Variants in RCL1 observed in about 807,000 individuals in gnomAD.
RCL1 encodes the protein RNA 3'-terminal phosphate cyclase-like protein.
Under a neutral mutation model 42.4 loss-of-function variants are expected in RCL1, and 24 were observed. That is an observed-to-expected ratio of 0.57 (90% CI 0.41 to 0.80). The LOEUF (loss-of-function observed/expected upper bound fraction) is 0.80, where lower values mean the gene tolerates loss of function less well. Ranked by LOEUF, RCL1 falls within the 30% of genes least tolerant of loss-of-function variation. The pLI is 0.00. For missense variants in RCL1, 578 were observed against 467.9 expected (o/e 1.24, Z -2.17); for synonymous variants, 228 against 177.3 (o/e 1.29, Z -2.27).
intron 3 of RCL1, among the ~76,000 whole-genome samples, chr9:4,830,989 C>G (rs1816924786): frequency 6.6e-6 from 1 of 152,122 alleles, no homozygotes; most frequent in Non-Finnish European, 1.5e-5. Context: ...CTAGAATGTG[C>G]AAAGCTGCAG....
intron 3 of RCL1, among the ~76,000 whole-genome samples, chr9:4,831,462 A>G (rs1189402618): frequency 6.6e-6 from 1 of 152,076 alleles, no homozygotes; most frequent in South Asian, 2.1e-4. Flanking sequence ...GCATATATTA[A>G]GTTTTTGAGT....
At chr9:4,822,058 C>CT in intron 1 of RCL1, among the ~76,000 whole-genome samples, 1 of 152,318 alleles carries the variant, frequency 6.6e-6, no homozygotes, top group East Asian at 1.9e-4. Flanking sequence ...CACACAGCAG[C>CT]TTTATTAACC....
In RCL1 at chr9:4,826,130, C is replaced by A. The variant is rs571464030; in HGVS notation, c.209-728C>A. Among the ~76,000 whole-genome samples the A allele has an allele frequency of 2.0e-5, 3 of 152,012 alleles. No homozygotes were observed. In the South Asian group the frequency reaches 6.3e-4, roughly 32 times the overall value. On this transcript the variant is annotated intron_variant, in intron 2 of 8. Coordinates refer to ENST00000381750, the MANE Select transcript of RCL1 (RefSeq NM_005772.5). ...AAAAAAAAAATTAGCTGGTCGTGGT[C>A]CCAGCTATTCTGGAGGCTGAGATGG...
At chr9:4,832,805 CAAAAAAAAAAA>C (rs34915834) in intron 3 of RCL1, among the ~76,000 whole-genome samples, 13 of 39,318 alleles carry the variant, frequency 3.3e-4, no homozygotes, top group Admixed American at 7.8e-4. Context: ...AGATTCCACT[CAAAAAAAAAAA>C]AAAAAAAAAA....
At chr9:4,851,898 T>TTTTTTTTTG in intron 8 of RCL1, among the ~76,000 whole-genome samples, 1 of 150,630 alleles carries the variant, frequency 6.6e-6, no homozygotes, top group African/African-American at 2.4e-5. Flanking sequence ...TTTTTTTTTT[T>TTTTTTTTTG]GAGACAGAGT....
chr9:4,812,016 C>G (rs1371009285), intron 1 of RCL1, among the ~76,000 whole-genome samples: 2 of 152,074 alleles, frequency 1.3e-5, no homozygotes, highest in Non-Finnish European at 2.9e-5. Flanking sequence ...GTCTATTCAG[C>G]TTTTTTGCTG....
In RCL1 at chr9:4,841,873, C is replaced by A. The variant is rs946985846; in HGVS notation, c.710+516C>A. Among the ~76,000 whole-genome samples, 24 of 152,102 alleles carry A rather than the reference C, an allele frequency of 1.6e-4. 1 individual carries two copies. Among genetic ancestry groups the A allele is most frequent in the Non-Finnish European group, 1.0e-4 (7 of 68,016 alleles). On this transcript the variant is annotated intron_variant, in intron 6 of 8. Coordinates refer to ENST00000381750, the MANE Select transcript of RCL1 (RefSeq NM_005772.5). The stretch of plus-strand genomic sequence containing the variant: ...AAATTTTAAAAATTAGAAAAAAATT[C>A]TAAGTAAGGAAAATAAGTTCTTAAA...
At chr9:4,857,032 G>C (rs1817984668) in intron 8 of RCL1, among the ~76,000 whole-genome samples, 2 of 152,214 alleles carry the variant, frequency 1.3e-5, no homozygotes, top group African/African-American at 2.4e-5. Context: ...GTGAGAACCA[G>C]GATCAGTTGT....
At chr9:4,801,328 T>A (rs1222626383) in intron 1 of RCL1, among the ~76,000 whole-genome samples, 1 of 152,142 alleles carries the variant, frequency 6.6e-6, no homozygotes, top group Admixed American at 6.5e-5. Context: ...CATACCATCA[T>A]GCCCGGCTAA....
intron 2 of RCL1, among the ~76,000 whole-genome samples, chr9:4,826,481 G>A (rs933565973): frequency 6.6e-6 from 1 of 152,154 alleles, no homozygotes; most frequent in African/African-American, 2.4e-5. Context: ...GCTGGTTGCT[G>A]GTGTGATGAT....
intron 6 of RCL1, 120 bp from the exon 7 acceptor site, chr9:4,844,405 G>T: frequency 1.4e-6 from 1 of 722,492 alleles, no homozygotes. Flanking sequence ...AATGCAGCCA[G>T]AAAGAAGCCT....
chr9:4,845,217 T>A (rs959095978), intron 7 of RCL1, among the ~76,000 whole-genome samples: 1 of 151,956 alleles, frequency 6.6e-6, no homozygotes, highest in Non-Finnish European at 1.5e-5. Context: ...AAGAAAAAAA[T>A]TTAAAAAAGC....
At chr9:4,801,540 TTAA>T (rs1162060139) in intron 1 of RCL1, among the ~76,000 whole-genome samples, 1 of 152,226 alleles carries the variant, frequency 6.6e-6, no homozygotes, top group African/African-American at 2.4e-5. Flanking sequence ...TTGTAGTTTG[TTAA>T]TATTTTCTCC....
At chr9:4,794,687 G>A (rs927577047) in intron 1 of RCL1, among the ~76,000 whole-genome samples, 1 of 151,798 alleles carries the variant, frequency 6.6e-6, no homozygotes, top group African/African-American at 2.4e-5. Context: ...TGGAAACCTG[G>A]GTTCTCTAAA....
chr9:4,798,723 CT>C (rs1441711608), intron 1 of RCL1, among the ~76,000 whole-genome samples: 1 of 152,128 alleles, frequency 6.6e-6, no homozygotes, highest in Non-Finnish European at 1.5e-5. Context: ...ACCCAGAATT[CT>C]TGATGGACAA....
chr9:4,830,798 C>G lies in RCL1; in HGVS notation c.385-2356C>G, dbSNP rs1316905611. Among the ~76,000 whole-genome samples, 3 of 151,988 alleles carry G rather than the reference C, an allele frequency of 2.0e-5. No individual in the cohort carries two copies. The East Asian group carries it at 5.8e-4, about 29-fold the overall frequency. ...GAGCAGGTTTCTTCCTCTCTTTTTT[C>G]TTTTTTTAGCATAGATTGATTACAT... On this transcript the variant is annotated intron_variant, in intron 3 of 8. Transcript: ENST00000381750.
chr9:4,811,448 A>G (rs185557874), intron 1 of RCL1, among the ~76,000 whole-genome samples: 44 of 152,164 alleles, frequency 2.9e-4, no homozygotes, highest in Middle Eastern at 3.4e-3. Flanking sequence ...CCCCGCCTCT[A>G]GTAACCACTA....
At chr9:4,844,373 C>A in intron 6 of RCL1, 152 bp from the exon 7 acceptor site, 1 of 535,962 alleles carries the variant, frequency 1.9e-6, no homozygotes, top group Non-Finnish European at 3.3e-6. Context: ...AGCTAGTAAA[C>A]TAGTAGCAAC....
intron 1 of RCL1, among the ~76,000 whole-genome samples, chr9:4,813,577 T>A (rs1395143707): frequency 6.6e-6 from 1 of 152,216 alleles, no homozygotes; most frequent in African/African-American, 2.4e-5. Flanking sequence ...GGAACACTTT[T>A]ACACTGTTGG....
Sources: gnomAD v4.1 joint callset for allele counts (sites outside exome capture counted in the v4.1 genomes callset) on GRCh38, gnomAD v4.1.1 for gene constraint, MANE v1.5 for transcripts, NCBI Gene and HGNC (gene_info 2026-07-23, HGNC 2026-07-21) for gene names.